Variants in BICRAL observed in about 807,000 individuals in gnomAD.
The protein encoded by BICRAL is BRD4-interacting chromatin-remodeling complex-associated protein-like.
In BICRAL, 8 loss-of-function variants were observed where a neutral mutation model predicts 91.8. The ratio of observed to expected loss-of-function variants is 0.09; its 90% CI spans 0.05 to 0.16. The LOEUF is 0.16. Ranked by LOEUF, BICRAL falls within the 10% of genes least tolerant of loss-of-function variation. The pLI is 1.00. For synonymous variants in BICRAL, 445 were observed against 491.1 expected, an observed-to-expected ratio of 0.91 and a Z score of 1.24; for missense variants, 1,038 against 1,310.9, an observed-to-expected ratio of 0.79 and a Z score of 3.21.
Position 42,852,116 on chromosome 6 carries a change from A to G in BICRAL, c.1864A>G (p.Thr622Ala). Residue 622 changes from threonine (T) to alanine (A), a missense_variant, in exon 7 of 13, where the codon ACT (threonine) becomes GCT (alanine). Thr to Ala is a moderately conservative substitution (Grantham distance 58, BLOSUM62 0). This residue lies in a region of BICRAL where 532 missense variants were observed against 724.9 expected (regional missense o/e 0.73). Transcript: ENST00000314073. ...CQAQKKCLNQ[T>A]SPISAPKTTD... ...GGCTCAGAAAAAATGTCTGAATCAG[A>G]CTTCCCCCATTTCTGCTCCCAAGAC... The G allele has an allele frequency of 6.2e-7, 1 of 1,608,946 alleles. No homozygotes were observed. Among genetic ancestry groups the G allele is most frequent in the Non-Finnish European group, 8.5e-7 (1 of 1,175,792 alleles).
rs1353846711 is a variant in BICRAL, at chr6:42,865,791, C to G, written c.*345C>G. On this transcript the variant is annotated 3_prime_UTR_variant, in exon 13 of 13. Transcript: ENST00000314073. ...TCAATGAGACCACAGTATACTTGGC[C>G]CTTGGTAAAATTTTGACAATCATAA... 1.6e-5 allele frequency: 3 copies of G among 188,818 alleles called. No individual in the cohort carries two copies. The highest frequency in any genetic ancestry group is 7.1e-5 in the African/African-American group (3 of 42,468). 11.7% of individuals were successfully genotyped at this position (188,818 alleles called of 1,614,324 possible).
At chr6:42,812,439 T>G (rs1763867532) in intron 2 of BICRAL, among the ~76,000 whole-genome samples, 1 of 152,092 alleles carries the variant, frequency 6.6e-6, no homozygotes, top group African/African-American at 2.4e-5. Flanking sequence ...CAAAAAAAAT[T>G]TGTTTAAGTT....
chr6:42,794,224 A>AT (rs1027400230), intron 1 of BICRAL, among the ~76,000 whole-genome samples: 1 of 151,926 alleles, frequency 6.6e-6, no homozygotes, highest in African/African-American at 2.4e-5. Context: ...CCTAGAATTT[A>AT]TTTTTTTACA....
chr6:42,853,310 TTAAA>T (rs926279843), intron 7 of BICRAL, among the ~76,000 whole-genome samples: 1 of 152,142 alleles, frequency 6.6e-6, no homozygotes, highest in Non-Finnish European at 1.5e-5. Context: ...CTCCCTTTCC[TTAAA>T]TTGTATTTTG....
At chr6:42,771,019 G>A (rs1562453431) in intron 1 of BICRAL, among the ~76,000 whole-genome samples, 1 of 152,136 alleles carries the variant, frequency 6.6e-6, no homozygotes, top group Non-Finnish European at 1.5e-5. Flanking sequence ...TCTGTCCTCC[G>A]ACTCCCAGAG....
intron 12 of BICRAL, among the ~76,000 whole-genome samples, chr6:42,864,009 C>CA (rs1029081016): frequency 3.3e-5 from 5 of 151,798 alleles, no homozygotes; most frequent in East Asian, 1.9e-4. Flanking sequence ...ACTAAAAATA[C>CA]AAAAAAAATT....
chr6:42,770,428 T>A (rs1353044548), intron 1 of BICRAL, among the ~76,000 whole-genome samples: 6 of 147,938 alleles, frequency 4.1e-5, no homozygotes, highest in African/African-American at 1.2e-4. Context: ...TTTTTTTTTT[T>A]TTTGAGACGG....
At chr6:42,808,975 T>C (rs1489052690) in intron 1 of BICRAL, among the ~76,000 whole-genome samples, 1 of 151,916 alleles carries the variant, frequency 6.6e-6, no homozygotes, top group Non-Finnish European at 1.5e-5. Context: ...GCCCCCTTCA[T>C]GGTTGGTCAC....
rs1372690822 is a variant in BICRAL at position 42,865,535 on chromosome 6, T to C, written c.*89T>C. On this transcript the variant is annotated 3_prime_UTR_variant, in exon 13 of 13. Transcript: ENST00000314073. ...TACATTCGTTCCTGGCAAAAGCAAA[T>C]GGAAATGGTCTCCTGTCTCCAGCCT... 3.2e-6 allele frequency: 2 copies of C among 634,016 alleles called. No homozygotes were observed. Among genetic ancestry groups the C allele is most frequent in the Non-Finnish European group, 5.3e-6 (2 of 376,694 alleles). 39.3% of individuals were successfully genotyped at this position (634,016 alleles called of 1,614,324 possible). A position where few individuals can be genotyped will look rare whatever the true frequency, so the allele number is the denominator to read the frequency against.
chr6:42,767,879 G>C (rs1762656968), intron 1 of BICRAL, among the ~76,000 whole-genome samples: 1 of 152,202 alleles, frequency 6.6e-6, no homozygotes, highest in South Asian at 2.1e-4. Context: ...GCAGAGCTGG[G>C]TGGACACCAA....
intron 2 of BICRAL, among the ~76,000 whole-genome samples, chr6:42,811,405 G>A (rs867891337): frequency 2.6e-5 from 4 of 152,000 alleles, no homozygotes; most frequent in Non-Finnish European, 5.9e-5. Context: ...GGCAGATCAC[G>A]AGGTCGAGAG....
intron 1 of BICRAL, among the ~76,000 whole-genome samples, chr6:42,798,189 G>C (rs879573214): frequency 3.9e-5 from 6 of 152,028 alleles, no homozygotes; most frequent in Non-Finnish European, 8.8e-5. Context: ...GACTTTAAAA[G>C]GGGGTAGGGA....
chr6:42,859,236 A>G (rs1006793561), intron 10 of BICRAL, among the ~76,000 whole-genome samples: 1 of 151,792 alleles, frequency 6.6e-6, no homozygotes, highest in Non-Finnish European at 1.5e-5. Flanking sequence ...TAAAAATACA[A>G]AAAAATTAGC....
chr6:42,834,697 T>C (rs1011743101), intron 6 of BICRAL, among the ~76,000 whole-genome samples: 5 of 152,206 alleles, frequency 3.3e-5, no homozygotes, highest in African/African-American at 1.2e-4. Context: ...AATGCTCAAG[T>C]CTACCCACAT....
Position 42,852,096 on chromosome 6 carries a change from A to G in BICRAL, c.1844A>G (p.Gln615Arg). 1.3e-6 allele frequency: 2 copies of G among 1,585,876 alleles called. No homozygotes were observed. Among genetic ancestry groups the G allele is most frequent in the Non-Finnish European group, 8.6e-7 (1 of 1,156,150 alleles). ...CATCTTTGTCATGTTTCACAGGCTC[A>G]GAAAAAATGTCTGAATCAGACTTCC... is the stretch of plus-strand genomic sequence containing the variant. The part of the protein sequence containing the change: ...GTQQQFFCQA[Q>R]KKCLNQTSPI... Residue 615 changes from glutamine to arginine, a missense_variant, in exon 7 of 13, where the codon CAG becomes CGG. This residue lies in a region of BICRAL where 532 missense variants were observed against 724.9 expected (regional missense o/e 0.73). Coordinates refer to ENST00000314073, the MANE Select transcript of BICRAL (RefSeq NM_001393499.1).
In BICRAL at chr6:42,853,728, C is replaced by T. The variant is rs762069288; in HGVS notation, c.2036C>T (p.Pro679Leu). 2 of 1,607,424 alleles carry T rather than the reference C, an allele frequency of 1.2e-6. No homozygotes were observed. Among genetic ancestry groups the T allele is most frequent in the African/African-American group, 2.7e-5 (2 of 74,810 alleles). ...EKVVGSSPGHPAVQVESHSGG... is the reference protein window; with the variant it reads ...EKVVGSSPGHLAVQVESHSGG... ...GTAGTTGGATCATCTCCTGGCCATCCAGCTGTGCAGGTAGAAAACTATTGG... is the reference window on the plus strand; with the variant it reads ...GTAGTTGGATCATCTCCTGGCCATCTAGCTGTGCAGGTAGAAAACTATTGG... Residue 679 changes from proline to leucine, a missense_variant, in exon 8 of 13, where the codon CCA becomes CTA. Physicochemically the swap from Pro to Leu is moderately conservative, Grantham distance 98. Transcript: ENST00000314073.
chr6:42,853,798 T>A lies in BICRAL; in HGVS notation c.2046+60T>A, dbSNP rs938997020. ...TCGGCATAATTGAATGAAAATGTAG[T>A]CGTGCTATCTTTGTGGTTGCTGGCT... On this transcript the variant is annotated intron_variant, in intron 8 of 12. Coordinates refer to ENST00000314073, the MANE Select transcript of BICRAL (RefSeq NM_001393499.1). The A allele has an allele frequency of 4.8e-6, 6 of 1,239,168 alleles. No homozygotes were observed. In the African/African-American group the frequency reaches 8.8e-5, roughly 18 times the overall value. 76.8% of individuals were successfully genotyped at this position (1,239,168 alleles called of 1,614,324 possible). A position where few individuals can be genotyped will look rare whatever the true frequency, so the allele number is the denominator to read the frequency against.
intron 1 of BICRAL, among the ~76,000 whole-genome samples, chr6:42,796,300 G>T (rs1368793089): frequency 6.6e-6 from 1 of 152,202 alleles, no homozygotes; most frequent in African/African-American, 2.4e-5. Flanking sequence ...TCTTGAATAA[G>T]CCTTAAGCCT....
At chr6:42,858,296 A>G in intron 10 of BICRAL, among the ~76,000 whole-genome samples, 1 of 147,598 alleles carries the variant, frequency 6.8e-6, no homozygotes. Context: ...CAGGCCGATC[A>G]CCTGAGGTCA....
Sources: gnomAD v4.1 joint callset for allele counts (sites outside exome capture counted in the v4.1 genomes callset) on GRCh38, gnomAD v4.1.1 for gene constraint, gnomAD v4.1.1 regional missense constraint, MANE v1.5 for transcripts, NCBI Gene and HGNC (gene_info 2026-07-23, HGNC 2026-07-21) for gene names.